Variants in RBFOX1 observed in about 807,000 individuals in gnomAD.
RBFOX1 encodes RNA binding fox-1 homolog 1.
In RBFOX1, 8 loss-of-function variants were observed where a neutral mutation model predicts 57.7. That is an observed-to-expected ratio of 0.14 (90% confidence interval 0.08 to 0.25). The LOEUF is 0.25. Ranked by LOEUF, RBFOX1 falls within the 10% of genes least tolerant of loss-of-function variation. RBFOX1 has a pLI of 1.00. For missense variants in RBFOX1, 611 were observed against 548.5 expected (o/e 1.11, Z -1.14); for synonymous variants, 326 against 222.4 (o/e 1.47, Z -4.15).
chr16:6,260,530 TGAGA>T (rs1360224877), intron 1 of RBFOX1, among the ~76,000 whole-genome samples: 1 of 152,076 alleles, frequency 6.6e-6, no homozygotes, highest in Non-Finnish European at 1.5e-5. Flanking sequence ...TAAAAGCCAT[TGAGA>T]AATGGCTTTT....
chr16:5,426,643 C>G (rs1348942253), intron 1 of RBFOX1, among the ~76,000 whole-genome samples: 4 of 152,198 alleles, frequency 2.6e-5, no homozygotes, highest in African/African-American at 7.2e-5. Flanking sequence ...CTTTACCAGC[C>G]TGTTTCCTAC....
At chr16:7,154,685 T>G (rs1302883057) in intron 4 of RBFOX1, among the ~76,000 whole-genome samples, 2 of 143,112 alleles carry the variant, frequency 1.4e-5, no homozygotes, top group East Asian at 4.1e-4. Context: ...CCCTCTTCCT[T>G]TGTGTGTGTG....
chr16:6,984,946 T>G (rs563855089), intron 3 of RBFOX1, among the ~76,000 whole-genome samples: 1 of 152,234 alleles, frequency 6.6e-6, no homozygotes, highest in South Asian at 2.1e-4. Context: ...CGGTACCTTC[T>G]TTACTTACAA....
intron 3 of RBFOX1, among the ~76,000 whole-genome samples, chr16:6,672,948 A>T (rs970185803): frequency 6.6e-6 from 1 of 152,144 alleles, no homozygotes; most frequent in South Asian, 2.1e-4. Context: ...ATGTTGATCA[A>T]CCTGGTCTGA....
intron 3 of RBFOX1, among the ~76,000 whole-genome samples, chr16:7,032,642 A>C (rs1033126113): frequency 4.6e-5 from 7 of 151,892 alleles, no homozygotes; most frequent in African/African-American, 1.7e-4. Flanking sequence ...CCTCAAGCTA[A>C]TTGCTTGATG....
intron 2 of RBFOX1, among the ~76,000 whole-genome samples, chr16:5,499,052 C>T (rs1025820287): frequency 6.6e-6 from 1 of 152,178 alleles, no homozygotes; most frequent in African/African-American, 2.4e-5. Flanking sequence ...TCAATATGCA[C>T]AAGTGCCCCA....
chr16:7,278,623 C>G (rs747209699), intron 4 of RBFOX1, among the ~76,000 whole-genome samples: 2 of 152,174 alleles, frequency 1.3e-5, no homozygotes, highest in African/African-American at 2.4e-5. Context: ...CCTACATTCT[C>G]TATAACCAGT....
At chr16:5,516,998 G>GT (rs5815251) in intron 2 of RBFOX1, among the ~76,000 whole-genome samples, 1,933 of 139,644 alleles carry the variant, frequency 0.014, 31 homozygotes, top group African/African-American at 0.034. Context: ...CTTTCTTCCT[G>GT]TTTTTTTTTT....
chr16:7,386,035 C>T (rs887164263), intron 4 of RBFOX1, among the ~76,000 whole-genome samples: 23 of 152,010 alleles, frequency 1.5e-4, no homozygotes, highest in African/African-American at 5.1e-4. Flanking sequence ...GTGAACCACA[C>T]GGCTCAGCCT....
At chr16:7,317,785 G>A (rs1018712691) in intron 4 of RBFOX1, among the ~76,000 whole-genome samples, 1 of 152,184 alleles carries the variant, frequency 6.6e-6, no homozygotes, top group Non-Finnish European at 1.5e-5. Context: ...CTATGGGCAT[G>A]TTTCTCGACT....
intron 10 of RBFOX1, among the ~76,000 whole-genome samples, chr16:7,620,507 C>G (rs1332415751): frequency 2.6e-5 from 4 of 152,208 alleles, no homozygotes; most frequent in African/African-American, 4.8e-5. Context: ...TTTTTCTTAT[C>G]TGTAGAAGAT....
chr16:7,136,805 C>G (rs888488238), intron 4 of RBFOX1, among the ~76,000 whole-genome samples: 1 of 152,172 alleles, frequency 6.6e-6, no homozygotes, highest in Non-Finnish European at 1.5e-5. Flanking sequence ...ATTCTAAATT[C>G]TGATATGGCA....
chr16:6,866,541 A>ATTGTTTTTTTTTTTT (rs2059947719), intron 3 of RBFOX1, among the ~76,000 whole-genome samples: 1 of 78,886 alleles, frequency 1.3e-5, no homozygotes, highest in Non-Finnish European at 2.2e-5. Flanking sequence ...CTTTCCTTCT[A>ATTGTTTTTTTTTTTT]TTTTTTTTTT....
At chr16:7,225,001 C>A (rs1484518372) in intron 4 of RBFOX1, among the ~76,000 whole-genome samples, 1 of 152,142 alleles carries the variant, frequency 6.6e-6, no homozygotes, top group Non-Finnish European at 1.5e-5. Context: ...AAGCACTATG[C>A]TAAGACATTT....
chr16:7,184,120 C>T (rs774767890), intron 4 of RBFOX1, among the ~76,000 whole-genome samples: 1 of 152,106 alleles, frequency 6.6e-6, no homozygotes, highest in Non-Finnish European at 1.5e-5. Context: ...TGTAAAATCA[C>T]TGACAGGAAA....
At chr16:6,584,013 AG>A (rs1480195716) in intron 2 of RBFOX1, among the ~76,000 whole-genome samples, 2 of 150,482 alleles carry the variant, frequency 1.3e-5, no homozygotes, top group Non-Finnish European at 2.9e-5. Flanking sequence ...AAAAAAAAAA[AG>A]AAACTCAAAA....
intron 1 of RBFOX1, among the ~76,000 whole-genome samples, chr16:6,248,471 C>T (rs909717262): frequency 1.3e-5 from 2 of 152,062 alleles, no homozygotes; most frequent in African/African-American, 4.8e-5. Flanking sequence ...GTCACAGCTA[C>T]TAAGAGCAAT....
chr16:6,168,514 C>T (rs946591170), intron 1 of RBFOX1, among the ~76,000 whole-genome samples: 2 of 152,162 alleles, frequency 1.3e-5, no homozygotes, highest in Non-Finnish European at 2.9e-5. Context: ...AGCAATTCAA[C>T]CTTGAAAATG....
At position 6,562,861 on chromosome 16, in the gene RBFOX1, TTTCTTTCTTTCTTTCTTTC is replaced by T. The variant is rs1245995358; in HGVS notation, c.-63-91739_-63-91721del. 1.5e-3 allele frequency among the ~76,000 whole-genome samples: 88 copies of T among 59,864 alleles called. 5 individuals carry two copies. Among genetic ancestry groups the T allele is most frequent in the African/African-American group, 7.8e-3 (80 of 10,250 alleles). The allele number at this position is 59,864 out of a possible 152,430, so 39.3% of individuals were successfully genotyped here. A position where few individuals can be genotyped will look rare whatever the true frequency, so the allele number is the denominator to read the frequency against. ...CTTTCTTTCTTTCTTTCTTTCTTTC[TTTCTTTCTTTCTTTCTTTC>T]TTTTTTTTTTTTTTTTTTGCATAGT... On this transcript the variant is annotated intron_variant, in intron 2 of 15. Transcript: ENST00000550418.
Sources: allele counts gnomAD v4.1 joint callset (sites outside exome capture counted in the v4.1 genomes callset), GRCh38; gene constraint gnomAD v4.1.1; transcripts MANE v1.5; gene names NCBI Gene and HGNC (gene_info 2026-07-23, HGNC 2026-07-21).